The following CDC14B variants were observed in gnomAD, a reference collection of about 807,000 sequenced individuals.
The protein encoded by CDC14B is cell division cycle 14B.
Under a neutral mutation model 64.2 loss-of-function variants are expected in CDC14B, and 22 were observed. The observed-to-expected ratio is 0.34, with a 90% CI of 0.24 to 0.49. The LOEUF is 0.49. Among genes scored for constraint, CDC14B ranks in the 20% least tolerant of loss-of-function variants. The pLI is 0.99. For synonymous variants in CDC14B, 191 were observed against 215.8 expected (o/e 0.89, Z 1.01); for missense variants, 498 against 629.9 (o/e 0.79, Z 2.24).
At chr9:96,590,901 T>C (rs200540598) in intron 1 of CDC14B, among the ~76,000 whole-genome samples, 1 of 152,164 alleles carries the variant, frequency 6.6e-6, no homozygotes, top group Admixed American at 6.5e-5. Context: ...TGGTCATGTG[T>C]ATATCTTCTT....
intron 5 of CDC14B, among the ~76,000 whole-genome samples, 187 bp from the exon 6 acceptor site, chr9:96,542,079 A>G (rs186682892): frequency 3.3e-4 from 50 of 152,352 alleles, no homozygotes; most frequent in African/African-American, 1.1e-3. Flanking sequence ...GTTTCTACCT[A>G]TTCCAATAGG....
intron 1 of CDC14B, among the ~76,000 whole-genome samples, chr9:96,606,834 G>A (rs908224677): frequency 6.6e-6 from 1 of 151,948 alleles, no homozygotes; most frequent in Non-Finnish European, 1.5e-5. Context: ...CCAAAGTGCT[G>A]GGATTACAGG....
chr9:96,508,297 C>T (rs770589052), intron 13 of CDC14B, among the ~76,000 whole-genome samples: 27 of 152,032 alleles, frequency 1.8e-4, no homozygotes, highest in Non-Finnish European at 3.4e-4. Flanking sequence ...ATTACAGGCG[C>T]GAGCCACCGC....
intron 12 of CDC14B, chr9:96,514,437 C>T (rs572408057): frequency 2.7e-5 from 27 of 985,286 alleles, no homozygotes; most frequent in East Asian, 2.3e-4. Context: ...GGTCTGAATG[C>T]GCGACAATAA....
At chr9:96,534,403 A>G in intron 8 of CDC14B, 52 bp downstream of exon 8, 2 of 1,268,970 alleles carry the variant, frequency 1.6e-6, no homozygotes, top group Admixed American at 3.5e-5. Flanking sequence ...AAGAAAATAT[A>G]GGATAGATAT....
rs1222875456 is a variant in CDC14B at position 96,541,840 on chromosome 9, G to A, written c.550C>T (p.His184Tyr). The change falls in exon 6 of 14, where the codon CAT becomes TAT. Residue 184 changes from histidine (H) to tyrosine (Y), a missense_variant. By Grantham distance (83) the His-to-Tyr change is moderately conservative. Coordinates refer to ENST00000375241, the MANE Select transcript of CDC14B (RefSeq NM_033331.4). Reference sequence around the variant, plus strand: ...ATGTCACTCACCTTCTTTACTGCATGAAAACAGTCAAGAAGTGTAATGTAG... The same window carrying A: ...ATGTCACTCACCTTCTTTACTGCATAAAAACAGTCAAGAAGTGTAATGTAG... ...NFYITLLDCF[H>Y]AVKKAMQYGF... The A allele has an allele frequency of 1.2e-6, 2 of 1,605,440 alleles. No individual in the cohort carries two copies. Among genetic ancestry groups the A allele is most frequent in the East Asian group, 4.5e-5 (2 of 44,690 alleles).
intron 1 of CDC14B, among the ~76,000 whole-genome samples, chr9:96,614,833 A>G (rs1215871425): frequency 6.6e-6 from 1 of 151,960 alleles, no homozygotes. Flanking sequence ...CTTACAGTTT[A>G]CACCGCCTGT....
chr9:96,514,934 G>A (rs1257163304), intron 12 of CDC14B: 1 of 985,298 alleles, frequency 1.0e-6, no homozygotes, highest in Non-Finnish European at 1.2e-6. Flanking sequence ...GCCTATTAAA[G>A]GCATTCTGGC....
At chr9:96,523,781 T>G (rs1837141941) in intron 9 of CDC14B, 56 bp from the exon 10 acceptor site, 2 of 1,578,262 alleles carry the variant, frequency 1.3e-6, no homozygotes, top group Non-Finnish European at 1.7e-6. Flanking sequence ...TCCAGGATTT[T>G]GTTGGGCAGG....
intron 5 of CDC14B, among the ~76,000 whole-genome samples, chr9:96,550,208 C>G (rs899545572): frequency 3.9e-5 from 6 of 152,164 alleles, no homozygotes; most frequent in Admixed American, 2.0e-4. Flanking sequence ...TTTATTTCCC[C>G]CTCTTCCCTT....
intron 1 of CDC14B, among the ~76,000 whole-genome samples, chr9:96,601,632 A>C (rs1846462991): frequency 1.3e-5 from 2 of 150,872 alleles, no homozygotes. Context: ...CCATCTACTA[A>C]AACTACAAAA....
intron 1 of CDC14B, among the ~76,000 whole-genome samples, chr9:96,618,928 C>A (rs1847811222): frequency 6.6e-6 from 1 of 152,210 alleles, no homozygotes; most frequent in Non-Finnish European, 1.5e-5. Context: ...AGGCGCCGGG[C>A]TGACGCCCGC....
intron 1 of CDC14B, among the ~76,000 whole-genome samples, chr9:96,566,358 A>T (rs1247374854): frequency 3.5e-5 from 5 of 140,868 alleles, no homozygotes; most frequent in South Asian, 2.2e-4. Context: ...ATGGTAAACT[A>T]TTTTTTTTTT....
At chr9:96,578,160 C>T (rs1361046170) in intron 1 of CDC14B, among the ~76,000 whole-genome samples, 2 of 152,238 alleles carry the variant, frequency 1.3e-5, no homozygotes, top group South Asian at 2.1e-4. Context: ...TGAGCAACAA[C>T]GTAAGTATAT....
At chr9:96,586,991 C>A (rs141996058) in intron 1 of CDC14B, among the ~76,000 whole-genome samples, 3 of 151,816 alleles carry the variant, frequency 2.0e-5, no homozygotes, top group African/African-American at 7.3e-5. Context: ...TGGCCAACAC[C>A]GCGAAACCCT....
chr9:96,556,343 T>TA lies in CDC14B; in HGVS notation c.421-4472dup, dbSNP rs567423465. Among the ~76,000 whole-genome samples the TA allele has an allele frequency of 5.7e-3, 842 of 147,202 alleles. 4 individuals are homozygous for TA. The highest frequency in any genetic ancestry group is 6.5e-3 in the Non-Finnish European group (433 of 66,522). On this transcript the variant is annotated intron_variant, in intron 4 of 13. Coordinates refer to ENST00000375241, the MANE Select transcript of CDC14B (RefSeq NM_033331.4). ...CTACGCCAAGAACTTGATTGATTAT[T>TA]AAAAAAAAAAATCACTCTCTCCAGA...
rs942095647 is a variant in CDC14B, at chr9:96,539,077, C to T, written c.627+1G>A. The T allele has an allele frequency of 1.3e-6, 2 of 1,594,438 alleles. No homozygotes were observed. Among genetic ancestry groups the T allele is most frequent in the Non-Finnish European group, 8.6e-7 (1 of 1,162,482 alleles). On this transcript the variant is annotated splice_donor_variant, in intron 7 of 13. Coordinates refer to ENST00000375241, the MANE Select transcript of CDC14B (RefSeq NM_033331.4). LOFTEE classifies it high-confidence loss of function. ...TGAAAACATGATCCTTGAAGACTTA[C>T]TTCATAGTGTTCATATTCATCAAGG... is the stretch of plus-strand genomic sequence containing the variant.
In CDC14B at chr9:96,562,673, T is replaced by C; in HGVS notation, c.420+20A>G. 4 of 1,518,980 alleles carry C rather than the reference T, an allele frequency of 2.6e-6. No homozygotes were observed. Among genetic ancestry groups the C allele is most frequent in the Non-Finnish European group, 3.7e-6 (4 of 1,094,156 alleles). The allele number at this position is 1,518,980 out of a possible 1,614,324, so 94.1% of individuals were successfully genotyped here. ...TGTTGTGTGCATTTTTATGAATACATTAGGAAAACAAATACTTACCATGTA... is the reference window on the plus strand; with the variant it reads ...TGTTGTGTGCATTTTTATGAATACACTAGGAAAACAAATACTTACCATGTA... On this transcript the variant is annotated intron_variant, in intron 4 of 13. Transcript: ENST00000375241.
chr9:96,571,430 T>A (rs988445220), intron 1 of CDC14B, among the ~76,000 whole-genome samples: 3 of 152,108 alleles, frequency 2.0e-5, no homozygotes, highest in African/African-American at 7.2e-5. Flanking sequence ...CGCCTCGGCC[T>A]CCCAGAGTTT....
Sources: gnomAD v4.1 joint callset for allele counts (sites outside exome capture counted in the v4.1 genomes callset) on GRCh38, gnomAD v4.1.1 for gene constraint, MANE v1.5 for transcripts, NCBI Gene and HGNC (gene_info 2026-07-23, HGNC 2026-07-21) for gene names.